VPS29: variants seen among roughly 807,000 people sequenced by gnomAD.
The protein encoded by VPS29 is VPS29 retromer complex component, also known as vacuolar protein sorting-associated protein 29.
A neutral mutation model predicts 20.0 loss-of-function variants in VPS29; 2 were observed. The ratio of observed to expected loss-of-function variants is 0.10; its 90% confidence interval spans 0.04 to 0.31. The LOEUF (loss-of-function observed/expected upper bound fraction) is 0.31. VPS29 is among the 10% of genes least tolerant of loss of function. The pLI, the probability that VPS29 is intolerant of heterozygous loss-of-function variation, is 1.00. For missense variants in VPS29, 120 were observed against 215.3 expected (o/e 0.56, Z 2.77); for synonymous variants, 81 against 79.3 (o/e 1.02, Z -0.12).
At chr12:110,494,652 T>C (rs2135574844) in intron 2 of VPS29, among the ~76,000 whole-genome samples, 1 of 152,274 alleles carries the variant, frequency 6.6e-6, no homozygotes, top group East Asian at 1.9e-4. Flanking sequence ...CAGTCATATT[T>C]ACTAAGGATC....
At chr12:110,501,485 T>G in intron 1 of VPS29, 1 of 1,535,500 alleles carries the variant, frequency 6.5e-7, no homozygotes, top group East Asian at 2.4e-5. Flanking sequence ...TCCCGCCCTC[T>G]GAGAGCACAC....
chr12:110,500,563 G>A (rs1393418652), intron 1 of VPS29, among the ~76,000 whole-genome samples: 1 of 152,158 alleles, frequency 6.6e-6, no homozygotes, highest in Non-Finnish European at 1.5e-5. Flanking sequence ...TGCCATGTCT[G>A]TAAGTCCCCC....
chr12:110,495,161 AG>A (rs2062884816), intron 2 of VPS29, among the ~76,000 whole-genome samples: 1 of 152,210 alleles, frequency 6.6e-6, no homozygotes, highest in South Asian at 2.1e-4. Context: ...CTAAAGATAC[AG>A]AGCAGCTCTA....
At chr12:110,499,847 A>G (rs980304039) in intron 1 of VPS29, among the ~76,000 whole-genome samples, 2 of 152,166 alleles carry the variant, frequency 1.3e-5, no homozygotes, top group Non-Finnish European at 2.9e-5. Context: ...CTTGTTCTGT[A>G]CATCGACTTC....
chr12:110,493,833 G>C (rs1349069129), intron 2 of VPS29, among the ~76,000 whole-genome samples: 1 of 152,030 alleles, frequency 6.6e-6, no homozygotes, highest in Non-Finnish European at 1.5e-5. Flanking sequence ...CCCCAAACTT[G>C]TGATTTTCCT....
chr12:110,497,109 G>A (rs1023892144), intron 1 of VPS29: 1 of 151,156 alleles, frequency 6.6e-6, no homozygotes, highest in African/African-American at 2.4e-5. Flanking sequence ...GTGGTTTAGA[G>A]CTGCAACATA....
chr12:110,496,787 G>A (rs1017369848), intron 1 of VPS29: 1 of 152,208 alleles, frequency 6.6e-6, no homozygotes, highest in Non-Finnish European at 1.5e-5. Context: ...ACAACTATGT[G>A]CAAGCATAAT....
chr12:110,493,627 G>A (rs761253649), intron 2 of VPS29, among the ~76,000 whole-genome samples: 22 of 152,046 alleles, frequency 1.4e-4, no homozygotes, highest in Non-Finnish European at 1.0e-4. Context: ...CTCCCAAAGC[G>A]CTAGGATTAC....
intron 1 of VPS29, chr12:110,498,676 T>G (rs1248169782): frequency 1.4e-5 from 3 of 209,176 alleles, no homozygotes; most frequent in Non-Finnish European, 2.5e-5. Context: ...AGTAAGATTC[T>G]TCTTTATAAA....
intron 1 of VPS29, 56 bp downstream of exon 1, chr12:110,501,993 C>A (rs1593013689): frequency 6.2e-7 from 1 of 1,613,108 alleles, no homozygotes; most frequent in Admixed American, 1.7e-5. Context: ...CGGCTCCCAA[C>A]AACGCAGCAC....
intron 3 of VPS29, 51 bp from the exon 4 acceptor site, chr12:110,492,173 A>G (rs193184475): frequency 7.3e-7 from 1 of 1,364,302 alleles, no homozygotes; most frequent in East Asian, 2.3e-5. Flanking sequence ...AAGCAGCAGC[A>G]CTATAAATTT....
chr12:110,501,394 C>T (rs765401330), intron 1 of VPS29: 35 of 1,535,098 alleles, frequency 2.3e-5, no homozygotes, highest in Admixed American at 5.9e-5. Context: ...TCAATGAGTT[C>T]ACACATCATT....
At chr12:110,493,367 T>A (rs1198753772) in intron 2 of VPS29, 136 bp from the exon 3 acceptor site, 1 of 605,450 alleles carries the variant, frequency 1.7e-6, no homozygotes, top group Non-Finnish European at 2.5e-6. Context: ...TATACATTTT[T>A]TTTTTTTTTT....
intron 1 of VPS29, chr12:110,501,445 G>T: frequency 6.5e-7 from 1 of 1,535,464 alleles, no homozygotes; most frequent in Non-Finnish European, 8.7e-7. Flanking sequence ...CCCGTGGAAA[G>T]AAACAGTTCC....
chr12:110,495,729 A>C (rs777710017), intron 2 of VPS29, among the ~76,000 whole-genome samples: 5 of 152,070 alleles, frequency 3.3e-5, no homozygotes, highest in Non-Finnish European at 7.4e-5. Flanking sequence ...AACAAACAAA[A>C]AAAACTTTAT....
Position 110,497,256 on chromosome 12 carries a change from G to A in VPS29, c.4-1053C>T, listed in dbSNP as rs185071318. On this transcript the variant is annotated intron_variant, in intron 1 of 3. Coordinates refer to ENST00000549578, the MANE Select transcript of VPS29 (RefSeq NM_016226.5). The stretch of plus-strand genomic sequence containing the variant: ...TTTTGAGACGGAGTCTCACTCTGTC[G>A]CCCAGGCTGGAGTGCAGTGGTGCGA... Among the ~76,000 whole-genome samples, 275 of 110,422 alleles carry A rather than the reference G, an allele frequency of 2.5e-3. 2 individuals carry two copies. The highest frequency in any genetic ancestry group is 0.012 in the Middle Eastern group (1 of 86). 72.4% of individuals were successfully genotyped at this position (110,422 alleles called of 152,430 possible). A position where few individuals can be genotyped will look rare whatever the true frequency, so the allele number is the denominator to read the frequency against.
rs778292108 is a variant in VPS29, at chr12:110,493,076, G to A, written c.351C>T (p.His117=). The A allele has an allele frequency of 1.1e-5, 18 of 1,613,466 alleles. No individual in the cohort carries two copies. The highest frequency in any genetic ancestry group is 2.5e-6 in the Non-Finnish European group (3 of 1,179,812). The change falls in exon 3 of 4, where the codon CAC becomes CAT. Residue 117 remains histidine, a synonymous_variant. Coordinates refer to ENST00000549578, the MANE Select transcript of VPS29 (RefSeq NM_016226.5). ...TTTCATGCTCAAATGCTTCAAATTT[G>A]TGTGTGTGTCCCGAGATAAGAATGT... ...DVDILISGHT[H]KFEAFEHENK... is the part of the protein sequence containing the mutation.
chr12:110,496,496 C>T, intron 1 of VPS29: 2 of 228,124 alleles, frequency 8.8e-6, no homozygotes, highest in Non-Finnish European at 1.7e-5. Context: ...TGGTTGTAAA[C>T]AGTTGCATAT....
chr12:110,501,792 A>G (rs889312581), intron 1 of VPS29: 35 of 1,090,954 alleles, frequency 3.2e-5, no homozygotes, highest in Non-Finnish European at 4.6e-5. Flanking sequence ...TCGGGCTGCT[A>G]GAGGGGCCTT....
Sources: gnomAD v4.1 joint callset for allele counts (sites outside exome capture counted in the v4.1 genomes callset) on GRCh38, gnomAD v4.1.1 for gene constraint, MANE v1.5 for transcripts, NCBI Gene and HGNC (gene_info 2026-07-23, HGNC 2026-07-21) for gene names.